Variants in STPG2 observed in about 807,000 individuals in gnomAD.
STPG2 encodes the protein sperm tail PG-rich repeat containing 2.
In STPG2, 56 loss-of-function variants were observed where a neutral mutation model predicts 54.2. The observed-to-expected ratio is 1.03, with a 90% CI of 0.83 to 1.29. The LOEUF (loss-of-function observed/expected upper bound fraction) is 1.29. Ranked by LOEUF, STPG2 falls within the 50% of genes most tolerant of loss-of-function variation. STPG2 has a pLI of 0.00. For synonymous variants in STPG2, 200 were observed against 181.8 expected (o/e 1.10, Z -0.81); for missense variants, 596 against 544.9 (o/e 1.09, Z -0.93).
chr4:98,136,524 G>A (rs1229429094), intron 1 of STPG2, among the ~76,000 whole-genome samples: 1 of 151,664 alleles, frequency 6.6e-6, no homozygotes, highest in East Asian at 1.9e-4. Context: ...GGTTGTGTGG[G>A]TACTGGAAGT....
chr4:97,497,168 A>G (rs1032414776), intron 4 of STPG2, among the ~76,000 whole-genome samples: 14 of 151,868 alleles, frequency 9.2e-5, no homozygotes, highest in Non-Finnish European at 2.1e-4. Context: ...CAAAACAGAA[A>G]ATAACACAAG....
At chr4:97,930,096 A>G (rs1732485491) in intron 8 of STPG2, among the ~76,000 whole-genome samples, 1 of 151,984 alleles carries the variant, frequency 6.6e-6, no homozygotes, top group South Asian at 2.1e-4. Flanking sequence ...ATGAGGTTTC[A>G]CCATGTTGGC....
intron 4 of STPG2, among the ~76,000 whole-genome samples, chr4:97,527,758 A>C (rs1731315500): frequency 6.6e-6 from 1 of 152,090 alleles, no homozygotes; most frequent in African/African-American, 2.4e-5. Context: ...AGTGATGATG[A>C]GCTTTTCTTC....
intron 10 of STPG2, among the ~76,000 whole-genome samples, chr4:97,687,333 C>CT (rs1286896139): frequency 1.5e-5 from 2 of 134,146 alleles, no homozygotes; most frequent in Non-Finnish European, 1.6e-5. Flanking sequence ...TTTTTTTTTT[C>CT]TTTTTTTTGA....
intron 7 of STPG2, among the ~76,000 whole-genome samples, chr4:97,971,170 C>T (rs892897954): frequency 3.9e-5 from 6 of 151,992 alleles, no homozygotes; most frequent in Non-Finnish European, 5.9e-5. Context: ...CTGGAGAGGA[C>T]GTGGAGAAAT....
chr4:97,941,197 C>T (rs1382550105), intron 8 of STPG2, among the ~76,000 whole-genome samples: 3 of 151,832 alleles, frequency 2.0e-5, no homozygotes, highest in Non-Finnish European at 4.4e-5. Flanking sequence ...TTTCTCATCC[C>T]TTTGTGGGTT....
intron 10 of STPG2, among the ~76,000 whole-genome samples, chr4:97,574,981 A>G (rs1309556537): frequency 6.6e-6 from 1 of 152,016 alleles, no homozygotes; most frequent in Non-Finnish European, 1.5e-5. Flanking sequence ...CGGAAATACA[A>G]AAGATCCTTA....
intron 5 of STPG2, among the ~76,000 whole-genome samples, chr4:98,021,581 T>G (rs949709177): frequency 2.6e-4 from 40 of 152,184 alleles, no homozygotes; most frequent in Non-Finnish European, 3.4e-4. Flanking sequence ...TTGTTAACTT[T>G]CTGTCTCATT....
At chr4:97,550,805 C>CCGCAGT (rs1731948163) in intron 4 of STPG2, among the ~76,000 whole-genome samples, 1 of 151,798 alleles carries the variant, frequency 6.6e-6, no homozygotes, top group South Asian at 2.1e-4. Context: ...CCACAGACCT[C>CCGCAGT]CGCAGTGAGT....
chr4:97,974,636 G>A (rs1267590461), intron 6 of STPG2, among the ~76,000 whole-genome samples: 1 of 152,176 alleles, frequency 6.6e-6, no homozygotes, highest in Non-Finnish European at 1.5e-5. Flanking sequence ...AGTCTCACAA[G>A]ATCTAATGGT....
chr4:97,801,185 T>C (rs1222945592), intron 9 of STPG2, among the ~76,000 whole-genome samples: 1 of 152,166 alleles, frequency 6.6e-6, no homozygotes, highest in Non-Finnish European at 1.5e-5. Flanking sequence ...CTGCACCCAC[T>C]GTCCTGCACC....
intron 7 of STPG2, among the ~76,000 whole-genome samples, chr4:97,944,990 C>T (rs1733146953): frequency 6.6e-6 from 1 of 152,134 alleles, no homozygotes; most frequent in African/African-American, 2.4e-5. Context: ...TATAGAACAT[C>T]TAAGCCAGCA....
chr4:97,854,358 A>G (rs548821710), intron 8 of STPG2, among the ~76,000 whole-genome samples: 1 of 151,874 alleles, frequency 6.6e-6, no homozygotes, highest in South Asian at 2.1e-4. Context: ...AATAGTTCCT[A>G]CCTTCTTGGG....
intron 10 of STPG2, among the ~76,000 whole-genome samples, chr4:97,598,409 A>G (rs1733358688): frequency 1.3e-5 from 2 of 152,140 alleles, no homozygotes; most frequent in Admixed American, 1.3e-4. Context: ...GGAACCAAAA[A>G]AGAAACTAAA....
chr4:98,056,791 T>C (rs906956921), intron 5 of STPG2, among the ~76,000 whole-genome samples: 1 of 152,030 alleles, frequency 6.6e-6, no homozygotes, highest in Non-Finnish European at 1.5e-5. Context: ...CTCATGATAG[T>C]GTGTAGGTTC....
At chr4:97,951,877 G>T (rs940932406) in intron 7 of STPG2, among the ~76,000 whole-genome samples, 1 of 152,146 alleles carries the variant, frequency 6.6e-6, no homozygotes, top group Non-Finnish European at 1.5e-5. Flanking sequence ...AATGCAATAT[G>T]TAATGGTAGG....
intron 4 of STPG2, among the ~76,000 whole-genome samples, chr4:97,467,535 C>G (rs1258426978): frequency 2.0e-5 from 3 of 151,718 alleles, no homozygotes; most frequent in Non-Finnish European, 4.4e-5. Flanking sequence ...TACATTCATA[C>G]AGTATTCATG....
intron 9 of STPG2, among the ~76,000 whole-genome samples, chr4:97,795,658 A>G (rs112261615): frequency 0.018 from 2,801 of 152,330 alleles, 78 homozygotes; most frequent in African/African-American, 0.064. Context: ...CACAATAAAC[A>G]TATGTGTGCA....
chr4:97,443,136 T>G (rs1482453946), intron 4 of STPG2, among the ~76,000 whole-genome samples: 4 of 152,092 alleles, frequency 2.6e-5, no homozygotes, highest in African/African-American at 9.7e-5. Context: ...GGGCCAGAAA[T>G]TTGGTGAGAA....
Sources: allele counts gnomAD v4.1 joint callset (sites outside exome capture counted in the v4.1 genomes callset), GRCh38; gene constraint gnomAD v4.1.1; transcripts MANE v1.5; gene names NCBI Gene and HGNC (gene_info 2026-07-23, HGNC 2026-07-21).